The following SLC25A48 variants were observed in gnomAD, a reference collection of about 807,000 sequenced individuals.
SLC25A48 encodes solute carrier family 25 member 48, also known as CTC-321K16.1.
A neutral mutation model predicts 32.2 loss-of-function variants in SLC25A48; 29 were observed. The observed-to-expected ratio is 0.90, with a 90% CI of 0.67 to 1.23. The LOEUF (loss-of-function observed/expected upper bound fraction) is 1.23, where lower values mean the gene tolerates loss of function less well. Among genes scored for constraint, SLC25A48 ranks in the 50% most tolerant of loss-of-function variants. The pLI is 0.00. For missense variants in SLC25A48, 399 were observed against 422.7 expected (o/e 0.94, Z 0.49); for synonymous variants, 164 against 172.3 (o/e 0.95, Z 0.38).
At chr5:135,664,138 T>C (rs886424360) in intron 3 of SLC25A48, among the ~76,000 whole-genome samples, 5 of 152,244 alleles carry the variant, frequency 3.3e-5, no homozygotes, top group Non-Finnish European at 5.9e-5. Flanking sequence ...TGCAGAACCA[T>C]GGACATGTGA....
At chr5:135,617,177 C>T (rs1355054910) in intron 1 of SLC25A48, among the ~76,000 whole-genome samples, 1 of 151,988 alleles carries the variant, frequency 6.6e-6, no homozygotes, top group Non-Finnish European at 1.5e-5. Flanking sequence ...CTTTCAGATT[C>T]AATCTTGGTA....
At chr5:135,684,477 C>G (rs1753972176) in intron 3 of SLC25A48, among the ~76,000 whole-genome samples, 2 of 152,118 alleles carry the variant, frequency 1.3e-5, no homozygotes, top group South Asian at 2.1e-4. Flanking sequence ...GTATTGCAGT[C>G]TCGACAGAGG....
At chr5:135,621,088 A>C (rs1752315637) in intron 1 of SLC25A48, among the ~76,000 whole-genome samples, 1 of 152,202 alleles carries the variant, frequency 6.6e-6, no homozygotes, top group African/African-American at 2.4e-5. Flanking sequence ...TCTAGGACTG[A>C]GTATTTTGAA....
chr5:135,791,741 G>A (rs1757036034), intron 3 of SLC25A48, among the ~76,000 whole-genome samples: 1 of 151,522 alleles, frequency 6.6e-6, no homozygotes, highest in South Asian at 2.1e-4. Flanking sequence ...CTAGGGTGAT[G>A]TTACTTCTAA....
intron 3 of SLC25A48, among the ~76,000 whole-genome samples, chr5:135,736,353 G>C (rs1755360304): frequency 6.6e-6 from 1 of 152,170 alleles, no homozygotes; most frequent in African/African-American, 2.4e-5. Flanking sequence ...TGTCAAGTTT[G>C]TATTGGGGCC....
intron 3 of SLC25A48, among the ~76,000 whole-genome samples, chr5:135,852,017 CCA>C (rs1759913840): frequency 6.6e-6 from 1 of 152,200 alleles, no homozygotes; most frequent in South Asian, 2.1e-4. Context: ...CTGTCTTACA[CCA>C]CAGGCTTAGT....
At chr5:135,741,072 G>A (rs1561471029) in intron 3 of SLC25A48, among the ~76,000 whole-genome samples, 1 of 152,312 alleles carries the variant, frequency 6.6e-6, no homozygotes, top group East Asian at 1.9e-4. Context: ...CCTATGCTAA[G>A]TGCTTTACAT....
chr5:135,842,434 T>G lies in SLC25A48; in HGVS notation c.65T>G (p.Val22Gly). Reference protein sequence around the residue: ...GWIGGAASVIVGHPLDTVKTR... With the variant: ...GWIGGAASVIGGHPLDTVKTR... ...TCCACAGGTGCAGCCAGTGTCATCG[T>G]TGGCCACCCTCTGGACACAGTCAAG... The change falls in exon 2 of 8, where the codon GTT becomes GGT. Residue 22 changes from valine (V) to glycine (G), a missense_variant. Coordinates refer to ENST00000681962, the MANE Select transcript of SLC25A48 (RefSeq NM_001349336.2). 1 of 1,613,874 alleles carries G rather than the reference T, an allele frequency of 6.2e-7. No homozygotes were observed. The highest frequency in any genetic ancestry group is 8.5e-7 in the Non-Finnish European group (1 of 1,179,806).
chr5:135,612,334 T>A (rs201214143), intron 1 of SLC25A48, among the ~76,000 whole-genome samples: 14,185 of 152,236 alleles, frequency 0.093, 665 homozygotes, highest in South Asian at 0.15. Context: ...AATGATCAAA[T>A]CAGTGTTGTT....
chr5:135,636,692 C>A (rs575447098), intron 3 of SLC25A48, among the ~76,000 whole-genome samples: 2 of 152,134 alleles, frequency 1.3e-5, no homozygotes, highest in Admixed American at 6.5e-5. Context: ...TGGAATAAGC[C>A]CATAGTTCTT....
chr5:135,848,129 C>T (rs1182431199), intron 2 of SLC25A48, among the ~76,000 whole-genome samples: 1 of 152,232 alleles, frequency 6.6e-6, no homozygotes, highest in African/African-American at 2.4e-5. Context: ...CTCAGCATGC[C>T]TGACAGACCT....
At chr5:135,658,939 C>T (rs531642884) in intron 3 of SLC25A48, among the ~76,000 whole-genome samples, 3 of 152,336 alleles carry the variant, frequency 2.0e-5, no homozygotes, top group Admixed American at 2.0e-4. Flanking sequence ...GCCCACAAAA[C>T]CATTTTTTCC....
At chr5:135,580,011 A>G (rs1221084940) in intron 1 of SLC25A48, among the ~76,000 whole-genome samples, 1 of 152,178 alleles carries the variant, frequency 6.6e-6, no homozygotes, top group African/African-American at 2.4e-5. Flanking sequence ...GAAATCATAC[A>G]TGTTGTCAGT....
chr5:135,861,134 A>G (rs1313550366), intron 4 of SLC25A48, among the ~76,000 whole-genome samples: 1 of 152,234 alleles, frequency 6.6e-6, no homozygotes, highest in Non-Finnish European at 1.5e-5. Context: ...TCCATTCTGT[A>G]TACATAGATT....
chr5:135,826,103 C>T (rs1210141156), intron 4 of SLC25A48: 1 of 152,314 alleles, frequency 6.6e-6, no homozygotes, highest in Non-Finnish European at 1.5e-5. Flanking sequence ...TGCCCATGAC[C>T]ATGGATGAGG....
intron 3 of SLC25A48, among the ~76,000 whole-genome samples, chr5:135,776,355 G>A (rs537800030): frequency 6.6e-6 from 1 of 151,666 alleles, no homozygotes; most frequent in South Asian, 2.1e-4. Flanking sequence ...ATATAAAGGG[G>A]AAGAGAGGAT....
chr5:135,879,597 A>AGTGT (rs1281020226), intron 6 of SLC25A48, among the ~76,000 whole-genome samples: 3 of 136,364 alleles, frequency 2.2e-5, no homozygotes, highest in Non-Finnish European at 4.5e-5. Flanking sequence ...AGAGAGAGAG[A>AGTGT]GAGAGAGAGA....
intron 3 of SLC25A48, among the ~76,000 whole-genome samples, chr5:135,668,093 C>T (rs918703585): frequency 1.3e-5 from 2 of 152,138 alleles, no homozygotes; most frequent in Non-Finnish European, 2.9e-5. Flanking sequence ...GAAAGGGCTT[C>T]ATTCACACTC....
intron 6 of SLC25A48, among the ~76,000 whole-genome samples, chr5:135,879,697 T>C (rs549714979): frequency 3.3e-5 from 5 of 152,008 alleles, no homozygotes; most frequent in Non-Finnish European, 5.9e-5. Flanking sequence ...AAAAAGCATA[T>C]GTAGGTGTTT....
Sources: gnomAD v4.1 joint callset for allele counts (sites outside exome capture counted in the v4.1 genomes callset) on GRCh38, gnomAD v4.1.1 for gene constraint, MANE v1.5 for transcripts, NCBI Gene and HGNC (gene_info 2026-07-23, HGNC 2026-07-21) for gene names.